Variants in PCOLCE2 observed in about 807,000 individuals in gnomAD.
PCOLCE2 encodes procollagen C-endopeptidase enhancer 2.
A neutral mutation model predicts 47.0 loss-of-function variants in PCOLCE2; 42 were observed. The ratio of observed to expected loss-of-function variants is 0.89; its 90% CI spans 0.70 to 1.16. The LOEUF (loss-of-function observed/expected upper bound fraction) is 1.16. Ranked by LOEUF, PCOLCE2 falls within the 50% of genes most tolerant of loss-of-function variation. PCOLCE2 has a pLI of 0.00. For synonymous variants in PCOLCE2, 169 were observed against 191.7 expected (o/e 0.88, Z 0.98); for missense variants, 500 against 526.1 (o/e 0.95, Z 0.49).
chr3:142,883,564 G>A (rs1035828374), intron 2 of PCOLCE2, among the ~76,000 whole-genome samples: 57 of 151,296 alleles, frequency 3.8e-4, no homozygotes, highest in Admixed American at 2.5e-3. Flanking sequence ...GATTACAGGC[G>A]CCCACCACCA....
chr3:142,843,719 A>C (rs556642262), intron 3 of PCOLCE2, among the ~76,000 whole-genome samples: 2 of 152,084 alleles, frequency 1.3e-5, no homozygotes, highest in Non-Finnish European at 2.9e-5. Flanking sequence ...GAAATAATGT[A>C]AGAATTATTT....
chr3:142,836,035 T>C (rs1161970407), intron 5 of PCOLCE2, among the ~76,000 whole-genome samples: 1 of 152,260 alleles, frequency 6.6e-6, no homozygotes, highest in Non-Finnish European at 1.5e-5. Context: ...TCCACTGTTT[T>C]GCAAGTTAAA....
At chr3:142,847,661 C>T (rs1347664631) in intron 3 of PCOLCE2, among the ~76,000 whole-genome samples, 1 of 152,102 alleles carries the variant, frequency 6.6e-6, no homozygotes, top group Non-Finnish European at 1.5e-5. Flanking sequence ...CTCAGCCTCC[C>T]AAGTAGCTGG....
rs777136521 is a variant in PCOLCE2, at chr3:142,888,835, G to A, written c.62C>T (p.Ser21Leu). ...CLLLAAATQLSRQQSPERPVF... is the reference protein window; with the variant it reads ...CLLLAAATQLLRQQSPERPVF... Reference sequence around the variant, plus strand: ...TTACCTCTCTGGGGACTGCTGCCGCGAGAGCTGGGTGGCGGCAGCCAGCAG... The same window carrying A: ...TTACCTCTCTGGGGACTGCTGCCGCAAGAGCTGGGTGGCGGCAGCCAGCAG... Residue 21 changes from serine (S) to leucine (L), a missense_variant, in exon 1 of 9, where the codon TCG (serine) becomes TTG (leucine). By Grantham distance (145) the Ser-to-Leu change is moderately radical. Transcript: ENST00000295992. 7.1e-6 allele frequency: 11 copies of A among 1,545,476 alleles called. No homozygotes were observed. Among genetic ancestry groups the A allele is most frequent in the South Asian group, 1.2e-5 (1 of 82,532 alleles).
At chr3:142,870,564 T>A (rs964917517) in intron 2 of PCOLCE2, among the ~76,000 whole-genome samples, 3 of 152,206 alleles carry the variant, frequency 2.0e-5, no homozygotes, top group Non-Finnish European at 2.9e-5. Context: ...GACGCCTTAT[T>A]TTCAATGTAA....
chr3:142,820,763 T>C, intron 8 of PCOLCE2, 115 bp downstream of exon 8: 1 of 851,082 alleles, frequency 1.2e-6, no homozygotes, highest in South Asian at 2.0e-5. Flanking sequence ...TCCAAAGGCC[T>C]TCCTGCTCTG....
intron 2 of PCOLCE2, among the ~76,000 whole-genome samples, chr3:142,869,864 C>A (rs755212602): frequency 6.6e-6 from 1 of 152,190 alleles, no homozygotes; most frequent in Non-Finnish European, 1.5e-5. Flanking sequence ...GTGGCCCAAC[C>A]AACTGGGGCA....
chr3:142,847,479 A>T (rs1182617243), intron 3 of PCOLCE2, among the ~76,000 whole-genome samples: 1 of 152,166 alleles, frequency 6.6e-6, no homozygotes, highest in African/African-American at 2.4e-5. Context: ...GATCTTTCAA[A>T]AGTAGAGATT....
chr3:142,887,803 A>T, intron 1 of PCOLCE2, 26 bp from the exon 2 acceptor site: 1 of 1,274,658 alleles, frequency 7.8e-7, no homozygotes, highest in Non-Finnish European at 1.1e-6. Context: ...AAGAAAAGAT[A>T]ATGTAATTTG....
chr3:142,833,321 G>A (rs148390089), intron 5 of PCOLCE2, among the ~76,000 whole-genome samples: 9 of 151,908 alleles, frequency 5.9e-5, no homozygotes, highest in Admixed American at 1.3e-4. Flanking sequence ...CCCAAGTAGC[G>A]GGGATTACAT....
intron 5 of PCOLCE2, among the ~76,000 whole-genome samples, chr3:142,834,046 A>G (rs1018902712): frequency 1.3e-5 from 2 of 152,144 alleles, no homozygotes; most frequent in African/African-American, 4.8e-5. Context: ...CCATTTTTCA[A>G]TGAGGCCATC....
chr3:142,882,236 G>A (rs770872764), intron 2 of PCOLCE2, among the ~76,000 whole-genome samples: 76 of 151,760 alleles, frequency 5.0e-4, no homozygotes, highest in Non-Finnish European at 9.0e-4. Context: ...GTCTCTTTAC[G>A]TTGTTCAGGC....
chr3:142,860,788 TTC>T (rs1199182643), intron 2 of PCOLCE2, among the ~76,000 whole-genome samples: 2 of 152,212 alleles, frequency 1.3e-5, no homozygotes, highest in African/African-American at 4.8e-5. Context: ...GGCACCAGTA[TTC>T]TATCAAGCTC....
intron 2 of PCOLCE2, among the ~76,000 whole-genome samples, chr3:142,860,224 T>G (rs916066619): frequency 2.6e-5 from 4 of 152,176 alleles, no homozygotes; most frequent in African/African-American, 9.7e-5. Flanking sequence ...GCTTAATATA[T>G]TATATGCTTA....
chr3:142,823,021 AC>A (rs1261898375), intron 7 of PCOLCE2, among the ~76,000 whole-genome samples: 2 of 152,350 alleles, frequency 1.3e-5, no homozygotes, highest in East Asian at 3.9e-4. Context: ...TCATTAAAGA[AC>A]ACCTCCTCAG....
chr3:142,843,049 C>T lies in PCOLCE2; in HGVS notation c.449-1G>A, dbSNP rs1437869226. ...AGGAGTCCTCCACAATACTGATCCC[C>T]TTCAAGTATTAAACAAGGAAAAAAG... On this transcript the variant is annotated splice_acceptor_variant, in intron 3 of 8. Coordinates refer to ENST00000295992, the MANE Select transcript of PCOLCE2 (RefSeq NM_013363.4). LOFTEE classifies it high-confidence loss of function. 1.2e-6 allele frequency: 2 copies of T among 1,612,742 alleles called. No homozygotes were observed. Among genetic ancestry groups the T allele is most frequent in the East Asian group, 2.2e-5 (1 of 44,876 alleles).
chr3:142,871,357 G>T (rs1933383788), intron 2 of PCOLCE2, among the ~76,000 whole-genome samples: 1 of 152,174 alleles, frequency 6.6e-6, no homozygotes, highest in Non-Finnish European at 1.5e-5. Flanking sequence ...TATTCAGGGT[G>T]ATCCTTTTAA....
chr3:142,850,557 G>C lies in PCOLCE2; in HGVS notation c.193-2085C>G, dbSNP rs555945673. 3.9e-5 allele frequency among the ~76,000 whole-genome samples: 6 copies of C among 152,310 alleles called. No homozygotes were observed. In the East Asian group the frequency reaches 5.8e-4, roughly 15 times the overall value. On this transcript the variant is annotated intron_variant, in intron 2 of 8. Transcript: ENST00000295992. The stretch of plus-strand genomic sequence containing the variant: ...GTGGCGTCTGGAAGCCAGGCGAAGA[G>C]AGTATGTCAAGGAGGAATGAATGGG...
At position 142,842,462 on chromosome 3, in the gene PCOLCE2, G is replaced by A. The variant is rs961543056; in HGVS notation, c.573+462C>T. Among the ~76,000 whole-genome samples the A allele has an allele frequency of 6.6e-6, 1 of 152,168 alleles. No homozygotes were observed. Among genetic ancestry groups the A allele is most frequent in the African/African-American group, 2.4e-5 (1 of 41,430 alleles). On this transcript the variant is annotated intron_variant, in intron 4 of 8. Coordinates refer to ENST00000295992, the MANE Select transcript of PCOLCE2 (RefSeq NM_013363.4). The surrounding 1 kb of genome is among the most constrained non-coding windows in gnomAD (Gnocchi z 4.1). ...CAAAAAAATGCAAAGGCTAGGCCGG[G>A]CACGGTGGCTCACATCTGTAATCCC...
Sources: gnomAD v4.1 joint callset for allele counts (sites outside exome capture counted in the v4.1 genomes callset) on GRCh38, gnomAD v4.1.1 for gene constraint, Gnocchi (gnomAD v3.1) non-coding constraint, MANE v1.5 for transcripts, NCBI Gene and HGNC (gene_info 2026-07-23, HGNC 2026-07-21) for gene names.